The following YJU2 variants were observed in gnomAD, a reference collection of about 807,000 sequenced individuals.
YJU2 encodes splicing factor YJU2.
In YJU2, 28 loss-of-function variants were observed where a neutral mutation model predicts 39.6. The observed-to-expected ratio is 0.71, with a 90% CI of 0.52 to 0.97. The LOEUF (loss-of-function observed/expected upper bound fraction) is 0.97. Ranked by LOEUF, YJU2 falls within the 50% of genes least tolerant of loss-of-function variation. YJU2 has a pLI of 0.00. For synonymous variants in YJU2, 184 were observed against 182.4 expected (o/e 1.01, Z -0.07); for missense variants, 328 against 430.4 (o/e 0.76, Z 2.11).
chr19:4,251,684 A>G (rs564581229), intron 3 of YJU2, among the ~76,000 whole-genome samples: 1,070 of 51,776 alleles, frequency 0.021, 18 homozygotes, highest in African/African-American at 0.16. Flanking sequence ...GACTCCAACT[A>G]AAAAAAAAAA....
intron 7 of YJU2, 84 bp from the exon 8 acceptor site, chr19:4,268,500 C>T (rs1971135108): frequency 3.2e-6 from 3 of 930,906 alleles, no homozygotes; most frequent in Non-Finnish European, 5.1e-6. Flanking sequence ...ACCTTGCAAA[C>T]CTGCAGAGGT....
At chr19:4,247,358 T>C in intron 1 of YJU2, 188 bp downstream of exon 1, 1 of 570,950 alleles carries the variant, frequency 1.8e-6, no homozygotes, top group Non-Finnish European at 3.1e-6. Flanking sequence ...GGGCCTTCGC[T>C]AAGTCTCCCT....
intron 5 of YJU2, among the ~76,000 whole-genome samples, chr19:4,259,326 G>A (rs575593453): frequency 7.2e-5 from 11 of 151,810 alleles, no homozygotes; most frequent in Non-Finnish European, 1.3e-4. Context: ...TGATCCGCCC[G>A]CCTCGGCCTC....
intron 4 of YJU2, among the ~76,000 whole-genome samples, chr19:4,256,181 A>AAAAAAAT (rs1001505791): frequency 1.6e-5 from 2 of 125,898 alleles, no homozygotes; most frequent in African/African-American, 6.2e-5. Context: ...AAAAAAAAAA[A>AAAAAAAT]ATATATATAT....
chr19:4,251,272 A>C (rs916931684), intron 3 of YJU2, 101 bp downstream of exon 3: 1 of 1,154,198 alleles, frequency 8.7e-7, no homozygotes, highest in Admixed American at 2.2e-5. Flanking sequence ...CATCCAGGGA[A>C]TCTCATTTCA....
At chr19:4,259,440 T>C (rs935114734) in intron 5 of YJU2, among the ~76,000 whole-genome samples, 1 of 152,142 alleles carries the variant, frequency 6.6e-6, no homozygotes, top group Non-Finnish European at 1.5e-5. Flanking sequence ...AGTGCAGTAG[T>C]GCAGTCATAG....
intron 3 of YJU2, among the ~76,000 whole-genome samples, chr19:4,253,837 T>C (rs202054135): frequency 0.032 from 4,899 of 152,242 alleles, 274 homozygotes; most frequent in African/African-American, 0.11. Flanking sequence ...TTTTTTTTTT[T>C]TTTTGAGACA....
At chr19:4,263,943 T>C (rs1241306249) in intron 6 of YJU2, among the ~76,000 whole-genome samples, 1 of 151,256 alleles carries the variant, frequency 6.6e-6, no homozygotes, top group Non-Finnish European at 1.5e-5. Context: ...TAGGGGCTCA[T>C]AAACCAATAA....
chr19:4,258,748 C>T (rs912070831), intron 5 of YJU2, among the ~76,000 whole-genome samples: 3 of 152,334 alleles, frequency 2.0e-5, no homozygotes, highest in East Asian at 3.9e-4. Context: ...CTTCGCAGGA[C>T]GCGCCTCATC....
chr19:4,262,610 A>G (rs1971081021), intron 6 of YJU2, among the ~76,000 whole-genome samples: 2 of 152,110 alleles, frequency 1.3e-5, no homozygotes, highest in Non-Finnish European at 1.5e-5. Flanking sequence ...CCTGGTGCCA[A>G]TAAATCTTTA....
intron 7 of YJU2, 145 bp from the exon 8 acceptor site, chr19:4,268,439 C>T: frequency 6.6e-6 from 4 of 608,406 alleles, no homozygotes; most frequent in Non-Finnish European, 1.2e-5. Context: ...CAATGGGTCC[C>T]ATCAGGTGCC....
chr19:4,257,297 A>C (rs1416383444), intron 4 of YJU2, among the ~76,000 whole-genome samples: 1 of 151,774 alleles, frequency 6.6e-6, no homozygotes, highest in Non-Finnish European at 1.5e-5. Flanking sequence ...ATTTTTCCTT[A>C]ATATTATTAT....
chr19:4,247,212 A>C, intron 1 of YJU2, 42 bp downstream of exon 1: 1 of 1,570,512 alleles, frequency 6.4e-7, no homozygotes, highest in Non-Finnish European at 8.7e-7. Flanking sequence ...GGAGCAGGAC[A>C]TCCCGGAACT....
intron 5 of YJU2, among the ~76,000 whole-genome samples, chr19:4,260,194 C>T (rs879073590): frequency 3.9e-5 from 6 of 152,118 alleles, no homozygotes; most frequent in Non-Finnish European, 7.4e-5. Flanking sequence ...GAGGCTGAGG[C>T]GGGCGGATCA....
At chr19:4,261,954 C>G (rs1312322325) in intron 5 of YJU2, 40 bp from the exon 6 acceptor site, 2 of 1,603,802 alleles carry the variant, frequency 1.2e-6, no homozygotes, top group Non-Finnish European at 1.7e-6. Flanking sequence ...CACTGTTCCC[C>G]AAACAGAGCA....
At chr19:4,250,613 T>C (rs1294988454) in intron 2 of YJU2, among the ~76,000 whole-genome samples, 1 of 151,514 alleles carries the variant, frequency 6.6e-6, no homozygotes, top group Non-Finnish European at 1.5e-5. Flanking sequence ...TGGGGGTGTT[T>C]GCAGGATCAG....
intron 3 of YJU2, among the ~76,000 whole-genome samples, chr19:4,252,582 C>T (rs147000054): frequency 0.032 from 4,891 of 151,868 alleles, 272 homozygotes; most frequent in African/African-American, 0.11. Flanking sequence ...CCAGCCTGGG[C>T]GACAGAGCGA....
intron 4 of YJU2, among the ~76,000 whole-genome samples, chr19:4,256,722 G>A (rs76335178): frequency 0.031 from 4,735 of 152,288 alleles, 126 homozygotes; most frequent in South Asian, 0.06. Context: ...CTGGACTGGG[G>A]CTGGAGGAGC....
intron 5 of YJU2, among the ~76,000 whole-genome samples, chr19:4,261,563 A>G (rs1427151492): frequency 6.6e-6 from 1 of 152,062 alleles, no homozygotes; most frequent in African/African-American, 2.4e-5. Context: ...TGGGAAGCTG[A>G]GGCAGGAGAA....
Sources: allele counts gnomAD v4.1 joint callset (sites outside exome capture counted in the v4.1 genomes callset), GRCh38; gene constraint gnomAD v4.1.1; transcripts MANE v1.5; gene names NCBI Gene and HGNC (gene_info 2026-07-23, HGNC 2026-07-21).